GFER: variants seen among roughly 807,000 people sequenced by gnomAD.
GFER encodes the protein FAD-linked sulfhydryl oxidase ALR.
In GFER, 24 loss-of-function variants were observed where a neutral mutation model predicts 18.2. The observed-to-expected ratio is 1.32, with a 90% confidence interval of 0.96 to 1.86. The LOEUF (loss-of-function observed/expected upper bound fraction) is 1.86, where lower values mean the gene tolerates loss of function less well. Ranked by LOEUF, GFER falls within the 40% of genes most tolerant of loss-of-function variation. The pLI is 0.00. For synonymous variants in GFER, 138 were observed against 126.9 expected (o/e 1.09, Z -0.59); for missense variants, 316 against 295.6 (o/e 1.07, Z -0.51).
rs1418820703 is a variant in GFER, at chr16:1,984,233, C to T, written c.15C>T (p.Gly5=). The part of the protein sequence containing the change: MAAP[G]ERGRFHGGNL... Reference sequence around the variant, plus strand: ...GCGCGGGCAACATGGCGGCGCCCGGCGAGCGGGGCCGCTTCCACGGCGGGA... The same window carrying T: ...GCGCGGGCAACATGGCGGCGCCCGGTGAGCGGGGCCGCTTCCACGGCGGGA... Residue 5 remains glycine, a synonymous_variant, in exon 1 of 3, where the codon GGC becomes GGT. Coordinates refer to ENST00000248114, the MANE Select transcript of GFER (RefSeq NM_005262.3). The T allele has an allele frequency of 1.4e-6, 2 of 1,474,060 alleles. No homozygotes were observed. The highest frequency in any genetic ancestry group is 1.8e-6 in the Non-Finnish European group (2 of 1,119,328). The allele number at this position is 1,474,060 out of a possible 1,614,324, so 91.3% of individuals were successfully genotyped here.
Position 1,984,272 on chromosome 16 carries a change from G to T in GFER, c.54G>T (p.Leu18=). 1 of 1,479,438 alleles carries T rather than the reference G, an allele frequency of 6.8e-7. No individual in the cohort carries two copies. The highest frequency in any genetic ancestry group is 1.5e-5 in the African/African-American group (1 of 68,048). 91.6% of individuals were successfully genotyped at this position (1,479,438 alleles called of 1,614,324 possible). ...GRFHGGNLFF[L]PGGARSEMMD... is the part of the protein sequence containing the mutation. ...TCCACGGCGGGAACCTCTTCTTCCT[G>T]CCGGGGGGCGCGCGCTCCGAGATGA... The change falls in exon 1 of 3, where the codon CTG becomes CTT. Residue 18 remains leucine, a synonymous_variant. Transcript: ENST00000248114.
Position 1,986,079 on chromosome 16 carries a change from G to T in GFER, c.*51G>T. 6.4e-7 allele frequency: 1 copy of T among 1,573,428 alleles called. No individual in the cohort carries two copies. Among genetic ancestry groups the T allele is most frequent in the African/African-American group, 1.3e-5 (1 of 74,430 alleles). On this transcript the variant is annotated 3_prime_UTR_variant, in exon 3 of 3. Coordinates refer to ENST00000248114, the MANE Select transcript of GFER (RefSeq NM_005262.3). ...ACAGCTAGCCAGGCATGGTTGGATA[G>T]GGGCAGGGCACTCATTAAAGTGCAT...
At position 1,984,405 on chromosome 16, in the gene GFER, G is replaced by A; in HGVS notation, c.187G>A (p.Glu63Lys). ...QAPTSDSPVA[E>K]DASRRRPCRA... is the part of the protein sequence containing the mutation. ...GCCGACCTCCGATTCTCCTGTCGCC[G>A]AGGACGCCTCCCGGAGGCGGCCGTG... is the stretch of plus-strand genomic sequence containing the variant. Residue 63 changes from glutamate to lysine, a missense_variant, in exon 1 of 3, where the codon GAG becomes AAG. By Grantham distance (56) the Glu-to-Lys change is moderately conservative. Coordinates refer to ENST00000248114, the MANE Select transcript of GFER (RefSeq NM_005262.3). 1 of 1,538,824 alleles carries A rather than the reference G, an allele frequency of 6.5e-7. No homozygotes were observed. The highest frequency in any genetic ancestry group is 8.7e-7 in the Non-Finnish European group (1 of 1,146,324).
Position 1,987,251 on chromosome 16 carries a change from TG to T in GFER, c.*1226del, listed in dbSNP as rs990855044. Reference sequence around the variant, plus strand: ...TGAGTGCAGCAAGGTGGGGGGTGACTGGGACCCAGCCTTTGGGCCTCCCCAG... The same window carrying T: ...TGAGTGCAGCAAGGTGGGGGGTGACTGGACCCAGCCTTTGGGCCTCCCCAG... On this transcript the variant is annotated 3_prime_UTR_variant, in exon 3 of 3. Transcript: ENST00000248114. 9.8e-5 allele frequency: 15 copies of T among 152,688 alleles called. No individual in the cohort carries two copies. Among genetic ancestry groups the T allele is most frequent in the African/African-American group, 3.1e-4 (13 of 41,444 alleles). The allele number at this position is 152,688 out of a possible 1,614,324, so 9.5% of individuals were successfully genotyped here.
Position 1,984,957 on chromosome 16 carries a change from GC to G in GFER, c.455+15del, listed in dbSNP as rs2083555913. 6.3e-7 allele frequency: 1 copy of G among 1,593,810 alleles called. No homozygotes were observed. The highest frequency in any genetic ancestry group is 8.6e-7 in the Non-Finnish European group (1 of 1,162,480). On this transcript the variant is annotated intron_variant, in intron 2 of 2. Transcript: ENST00000248114. ...CCTAAGAAAAAGGTAAGATGTGTTT[GC>G]ACGCAGCAGAGCTTTGCACTGGAGC...
In GFER at chr16:1,984,986, G is replaced by C. The variant is rs762295209; in HGVS notation, c.455+43G>C. 44 of 1,432,812 alleles carry C rather than the reference G, an allele frequency of 3.1e-5. 1 individual carries two copies. The South Asian group carries it at 3.8e-4, about 12-fold the overall frequency. 88.8% of individuals were successfully genotyped at this position (1,432,812 alleles called of 1,614,324 possible). A position where few individuals can be genotyped will look rare whatever the true frequency, so the allele number is the denominator to read the frequency against. ...GCAGCAGAGCTTTGCACTGGAGCCT[G>C]GGCCTGGGGCTCCTGGCTGACGTTA... On this transcript the variant is annotated intron_variant, in intron 2 of 2. Coordinates refer to ENST00000248114, the MANE Select transcript of GFER (RefSeq NM_005262.3).
chr16:1,986,470 G>T lies in GFER; in HGVS notation c.*442G>T. 1 of 323,674 alleles carries T rather than the reference G, an allele frequency of 3.1e-6. No homozygotes were observed. Among genetic ancestry groups the T allele is most frequent in the South Asian group, 2.5e-5 (1 of 39,628 alleles). The allele number at this position is 323,674 out of a possible 1,614,324, so 20.1% of individuals were successfully genotyped here. On this transcript the variant is annotated 3_prime_UTR_variant, in exon 3 of 3. Transcript: ENST00000248114. The stretch of plus-strand genomic sequence containing the variant: ...CCCCTGCCCCCCATGGCTCTGTGCT[G>T]CTCACTTTAGGGGGCTCAATTCTCC...
intron 2 of GFER, 79 bp from the exon 3 acceptor site, chr16:1,985,787 C>G: frequency 7.5e-7 from 1 of 1,335,326 alleles, no homozygotes; most frequent in East Asian, 2.3e-5. Context: ...AGCTCTCCTT[C>G]CTTGACAGCA....
At chr16:1,985,000 T>G in intron 2 of GFER, 57 bp downstream of exon 2, 1 of 1,325,444 alleles carries the variant, frequency 7.5e-7, no homozygotes, top group Non-Finnish European at 1.1e-6. Flanking sequence ...CTGGGGCTCC[T>G]GGCTGACGTT....
At chr16:1,985,472 T>C (rs1046171221) in intron 2 of GFER, among the ~76,000 whole-genome samples, 6 of 152,186 alleles carry the variant, frequency 3.9e-5, no homozygotes, top group Admixed American at 1.3e-4. Context: ...TGCCCTCAGA[T>C]GCTAAGAAAC....
chr16:1,984,691 C>A, intron 1 of GFER, 56 bp from the exon 2 acceptor site: 2 of 1,516,310 alleles, frequency 1.3e-6, no homozygotes, highest in Non-Finnish European at 1.8e-6. Flanking sequence ...CAGTGGGGAG[C>A]TTTGGGCGCC....
rs1426919551 is a variant in GFER at position 1,984,471 on chromosome 16, C to G, written c.253C>G (p.Gln85Glu). Residue 85 changes from glutamine to glutamate, a missense_variant, in exon 1 of 3, where the codon CAG (glutamine) becomes GAG (glutamate). By Grantham distance (29) the Gln-to-Glu change is conservative. Transcript: ENST00000248114. ...CTTCAAGACGTGGATGCGGACGCAGCAGAAGGTGCAGTTCCCTGCCCGATT... is the reference window on the plus strand; with the variant it reads ...CTTCAAGACGTGGATGCGGACGCAGGAGAAGGTGCAGTTCCCTGCCCGATT... ...VDFKTWMRTQ[Q>E]KRDTKFREDC... 6.4e-7 allele frequency: 1 copy of G among 1,558,420 alleles called. No individual in the cohort carries two copies. Among genetic ancestry groups the G allele is most frequent in the East Asian group, 2.4e-5 (1 of 42,190 alleles).
Position 1,985,965 on chromosome 16 carries a change from C to T in GFER, c.555C>T (p.Asp185=), listed in dbSNP as rs1405444823. 16 of 1,613,042 alleles carry T rather than the reference C, an allele frequency of 9.9e-6. No homozygotes were observed. The highest frequency in any genetic ancestry group is 1.1e-5 in the Non-Finnish European group (13 of 1,180,024). ...TGAACCGCAAGCTGGGCAAGCCTGACTTCGACTGCTCAAAAGTGGATGAGC... is the reference window on the plus strand; with the variant it reads ...TGAACCGCAAGCTGGGCAAGCCTGATTTCGACTGCTCAAAAGTGGATGAGC... ...NEVNRKLGKP[D]FDCSKVDERW... Residue 185 remains aspartate (D), a synonymous_variant, in exon 3 of 3, where the codon GAC becomes GAT. Transcript: ENST00000248114.
chr16:1,985,908 C>CA lies in GFER; in HGVS notation c.499dup (p.Thr167AsnfsTer10). The CA allele has an allele frequency of 6.2e-7, 1 of 1,613,058 alleles. No homozygotes were observed. On this transcript the variant is annotated frameshift_variant, in exon 3 of 3. Transcript: ENST00000248114. LOFTEE classifies it high-confidence loss of function. ...CAGACACCCGCACCCGGGCATGCTTCACACAGTGGCTGTGCCACCTGCACA... is the reference window on the plus strand; with the variant it reads ...CAGACACCCGCACCCGGGCATGCTTCAACACAGTGGCTGTGCCACCTGCACA...
In GFER at chr16:1,984,738, CT is replaced by C; in HGVS notation, c.259-7del. Reference sequence around the variant, plus strand: ...AATGAACTCACTCTCGGTCGGCCTGCTTCCGCAGCGGGACACCAAGTTTAGG... The same window carrying C: ...AATGAACTCACTCTCGGTCGGCCTGCTCCGCAGCGGGACACCAAGTTTAGG... On this transcript the variant is annotated splice_region_variant and splice_polypyrimidine_tract_variant and intron_variant, in intron 1 of 2. Coordinates refer to ENST00000248114, the MANE Select transcript of GFER (RefSeq NM_005262.3). 6.2e-7 allele frequency: 1 copy of C among 1,605,258 alleles called. No individual in the cohort carries two copies. The highest frequency in any genetic ancestry group is 8.5e-7 in the Non-Finnish European group (1 of 1,179,204).
intron 1 of GFER, 45 bp downstream of exon 1, chr16:1,984,521 T>TCCCCGC (rs2083551729): frequency 5.2e-6 from 8 of 1,537,420 alleles, no homozygotes; most frequent in Non-Finnish European, 7.0e-6. Flanking sequence ...GCAGCCCCTG[T>TCCCCGC]CCCCGCCCCC....
At chr16:1,985,833 T>A (rs2150895658) in intron 2 of GFER, 33 bp from the exon 3 acceptor site, 1 of 1,600,510 alleles carries the variant, frequency 6.2e-7, no homozygotes, top group African/African-American at 1.3e-5. Context: ...AGCCGCTGCG[T>A]CCTCTCATTC....
intron 2 of GFER, among the ~76,000 whole-genome samples, chr16:1,985,442 T>G (rs1239136785): frequency 6.6e-6 from 1 of 152,234 alleles, no homozygotes; most frequent in Non-Finnish European, 1.5e-5. Flanking sequence ...AGTCTCTTGC[T>G]GAACTGACGC....
rs745520506 is a variant in GFER, at chr16:1,985,936, G to T, written c.526G>T (p.Glu176Ter). 47 of 1,613,094 alleles carry T rather than the reference G, an allele frequency of 2.9e-5. No homozygotes were observed. The highest frequency in any genetic ancestry group is 4.0e-5 in the Non-Finnish European group (47 of 1,180,000). Residue 176 changes from glutamate to a stop codon, truncating the protein, a stop_gained, in exon 3 of 3, where the codon GAA (glutamate) becomes TAA (stop). Transcript: ENST00000248114. LOFTEE classifies it high-confidence loss of function. ...FTQWLCHLHN[E>*]VNRKLGKPDF... ...ACAGTGGCTGTGCCACCTGCACAAT[G>T]AAGTGAACCGCAAGCTGGGCAAGCC... is the stretch of plus-strand genomic sequence containing the variant.
Sources: gnomAD v4.1 joint callset for allele counts (sites outside exome capture counted in the v4.1 genomes callset) on GRCh38, gnomAD v4.1.1 for gene constraint, MANE v1.5 for transcripts, NCBI Gene and HGNC (gene_info 2026-07-23, HGNC 2026-07-21) for gene names.